R3HDM2: variants seen among roughly 807,000 people sequenced by gnomAD.
R3HDM2 encodes R3H domain containing 2, also known as R3H domain-containing protein 2.
Under a neutral mutation model 124.5 loss-of-function variants are expected in R3HDM2, and 38 were observed. The observed-to-expected ratio is 0.31, with a 90% CI of 0.24 to 0.40. The LOEUF (loss-of-function observed/expected upper bound fraction) is 0.40, where lower values mean the gene tolerates loss of function less well. Among genes scored for constraint, R3HDM2 ranks in the 10% least tolerant of loss-of-function variants. The pLI, the probability that R3HDM2 is intolerant of heterozygous loss-of-function variation, is 1.00. For synonymous variants in R3HDM2, 391 were observed against 448.0 expected, an observed-to-expected ratio of 0.87 and a Z score of 1.61; for missense variants, 869 against 1,236.9, an observed-to-expected ratio of 0.70 and a Z score of 4.46.
At chr12:57,369,801 A>AAT (rs959600801) in intron 2 of R3HDM2, among the ~76,000 whole-genome samples, 2 of 152,118 alleles carry the variant, frequency 1.3e-5, no homozygotes, top group Non-Finnish European at 1.5e-5. Context: ...GGAATTTAAA[A>AAT]ATATATATAT....
intron 1 of R3HDM2, among the ~76,000 whole-genome samples, chr12:57,428,498 G>C (rs1868549395): frequency 6.8e-6 from 1 of 147,722 alleles, no homozygotes; most frequent in Admixed American, 6.7e-5. Context: ...GGTATGGTGG[G>C]GGGTGTGGTG....
chr12:57,272,056 G>A lies in R3HDM2; in HGVS notation c.1345-2062C>T, dbSNP rs148898938. 4.9e-3 allele frequency among the ~76,000 whole-genome samples: 745 copies of A among 152,142 alleles called. 7 individuals carry two copies. Among genetic ancestry groups the A allele is most frequent in the African/African-American group, 0.016 (670 of 41,498 alleles). On this transcript the variant is annotated intron_variant, in intron 14 of 23. Transcript: ENST00000402412. ...ACTACAGGTGTGTGCCACCACGCCC[G>A]GCCTGTGTTTTTATTTTTAAAGGAA... is the stretch of plus-strand genomic sequence containing the variant.
In R3HDM2 at chr12:57,258,871, G is replaced by C; in HGVS notation, c.2301+19C>G. ...TACGGTCATCTCCTTGCCAAGACAA[G>C]GCTGAGTGCTGCACTCACCTGGGGG... is the stretch of plus-strand genomic sequence containing the variant. On this transcript the variant is annotated intron_variant, in intron 20 of 23. Transcript: ENST00000402412. The C allele has an allele frequency of 1.3e-6, 2 of 1,494,228 alleles. No homozygotes were observed. Among genetic ancestry groups the C allele is most frequent in the Non-Finnish European group, 1.8e-6 (2 of 1,118,972 alleles). 92.6% of individuals were successfully genotyped at this position (1,494,228 alleles called of 1,614,324 possible).
At position 57,297,393 on chromosome 12, in the gene R3HDM2, T is replaced by TA; in HGVS notation, c.501-7dup. The TA allele has an allele frequency of 6.7e-7, 1 of 1,502,930 alleles. No individual in the cohort carries two copies. Among genetic ancestry groups the TA allele is most frequent in the Non-Finnish European group, 9.0e-7 (1 of 1,107,772 alleles). The allele number at this position is 1,502,930 out of a possible 1,614,324, so 93.1% of individuals were successfully genotyped here. On this transcript the variant is annotated splice_polypyrimidine_tract_variant and splice_region_variant and intron_variant, in intron 7 of 23. Coordinates refer to ENST00000402412, the MANE Select transcript of R3HDM2 (RefSeq NM_001394031.1). ...TTAGCAGCATCATTCTGTCCCTGTT[T>TA]AAAAAAGATTAAAACAAAACAAAAC...
chr12:57,303,948 GT>G (rs977796368), intron 3 of R3HDM2, among the ~76,000 whole-genome samples: 4 of 152,108 alleles, frequency 2.6e-5, no homozygotes, highest in South Asian at 2.1e-4. Flanking sequence ...ATGAAAGAGT[GT>G]TTTTTTCCCC....
chr12:57,310,235 T>A, intron 3 of R3HDM2, 29 bp downstream of exon 3: 2 of 1,445,130 alleles, frequency 1.4e-6, no homozygotes, highest in South Asian at 1.4e-5. Flanking sequence ...AAAAAAAAAG[T>A]GTGCATACAA....
At chr12:57,423,808 T>TAAAAAAA (rs57587261) in intron 1 of R3HDM2, among the ~76,000 whole-genome samples, 1 of 51,436 alleles carries the variant, frequency 1.9e-5, no homozygotes, top group Admixed American at 3.0e-4. Context: ...CTGTCTCAAT[T>TAAAAAAA]AAAAAAAAAA....
chr12:57,338,920 C>T (rs1474948312), intron 2 of R3HDM2, among the ~76,000 whole-genome samples: 2 of 151,696 alleles, frequency 1.3e-5, no homozygotes, highest in South Asian at 4.2e-4. Flanking sequence ...CTTTAAATGA[C>T]CAGGAACTGT....
intron 2 of R3HDM2, among the ~76,000 whole-genome samples, chr12:57,338,977 C>T (rs1231553510): frequency 1.3e-5 from 2 of 152,058 alleles, no homozygotes; most frequent in Non-Finnish European, 2.9e-5. Flanking sequence ...ATCCTCAAAA[C>T]AACCCTAGGA....
At chr12:57,413,996 C>T (rs1172152305) in intron 1 of R3HDM2, among the ~76,000 whole-genome samples, 1 of 150,586 alleles carries the variant, frequency 6.6e-6, no homozygotes, top group South Asian at 2.1e-4. Context: ...CAGGCACACA[C>T]CACCATACCC....
chr12:57,429,571 G>A lies in R3HDM2; in HGVS notation c.-106+1149C>T, dbSNP rs115821692. Among the ~76,000 whole-genome samples the A allele has an allele frequency of 8.2e-3, 1,252 of 152,234 alleles. 16 individuals carry two copies. The highest frequency in any genetic ancestry group is 0.028 in the African/African-American group (1,168 of 41,520). Reference sequence around the variant, plus strand: ...AACCCGTCTCTACAAAAATCAGCCAGGAGTGGTGGCTCATGCCTGTACTCC... The same window carrying A: ...AACCCGTCTCTACAAAAATCAGCCAAGAGTGGTGGCTCATGCCTGTACTCC... On this transcript the variant is annotated intron_variant, in intron 1 of 23. Coordinates refer to ENST00000402412, the MANE Select transcript of R3HDM2 (RefSeq NM_001394031.1).
At chr12:57,312,928 CAAAAAA>C (rs57500144) in intron 2 of R3HDM2, among the ~76,000 whole-genome samples, 1 of 49,868 alleles carries the variant, frequency 2.0e-5, no homozygotes, top group African/African-American at 6.8e-5. Flanking sequence ...GACTCTGGCT[CAAAAAA>C]AAAAAAAAAA....
chr12:57,311,530 C>T (rs1463263147), intron 2 of R3HDM2, among the ~76,000 whole-genome samples: 5 of 151,836 alleles, frequency 3.3e-5, no homozygotes, highest in South Asian at 4.1e-4. Flanking sequence ...CCAGCCTGCC[C>T]GGCTAATTTT....
chr12:57,392,680 G>A (rs184211822), intron 2 of R3HDM2, among the ~76,000 whole-genome samples: 7 of 151,538 alleles, frequency 4.6e-5, no homozygotes, highest in African/African-American at 7.3e-5. Flanking sequence ...CACAACCTCC[G>A]CCTCATTGGA....
Position 57,310,444 on chromosome 12 carries a change from A to G in R3HDM2, c.-16T>C. On this transcript the variant is annotated 5_prime_UTR_variant, in exon 3 of 24. Transcript: ENST00000402412. ...TGTTAGACATGTTCTTCAATAGAAT[A>G]CAGTGGCCTCTATGGACTCCTAAAG... The G allele has an allele frequency of 6.6e-7, 1 of 1,510,096 alleles. No individual in the cohort carries two copies. Among genetic ancestry groups the G allele is most frequent in the Non-Finnish European group, 8.8e-7 (1 of 1,130,642 alleles). 93.5% of individuals were successfully genotyped at this position (1,510,096 alleles called of 1,614,324 possible). A position where few individuals can be genotyped will look rare whatever the true frequency, so the allele number is the denominator to read the frequency against.
chr12:57,353,521 T>C (rs1044501679), intron 2 of R3HDM2, among the ~76,000 whole-genome samples: 9 of 152,322 alleles, frequency 5.9e-5, no homozygotes, highest in African/African-American at 2.2e-4. Flanking sequence ...ATTGAATAGA[T>C]AAAGCATAAT....
intron 1 of R3HDM2, chr12:57,418,161 C>G: frequency 1.0e-6 from 1 of 985,380 alleles, no homozygotes; most frequent in Non-Finnish European, 1.2e-6. Context: ...TAAGCAACAC[C>G]ACCCAGTTTG....
At chr12:57,261,382 T>C (rs148993784) in intron 19 of R3HDM2, among the ~76,000 whole-genome samples, 1 of 152,280 alleles carries the variant, frequency 6.6e-6, no homozygotes, top group East Asian at 1.9e-4. Context: ...CCTAATGCCC[T>C]GGGCCAGGAA....
At chr12:57,384,417 G>C (rs992343860) in intron 2 of R3HDM2, among the ~76,000 whole-genome samples, 7 of 151,716 alleles carry the variant, frequency 4.6e-5, no homozygotes, top group Non-Finnish European at 1.0e-4. Flanking sequence ...TATTTTAGAG[G>C]TTTAACAAGA....
Sources: allele counts gnomAD v4.1 joint callset (sites outside exome capture counted in the v4.1 genomes callset), GRCh38; gene constraint gnomAD v4.1.1; transcripts MANE v1.5; gene names NCBI Gene and HGNC (gene_info 2026-07-23, HGNC 2026-07-21).